Variants in MINDY3 observed in about 807,000 individuals in gnomAD.
MINDY3 encodes the protein ubiquitin carboxyl-terminal hydrolase MINDY-3.
MINDY3 carries 38 observed loss-of-function variants against 69.2 expected under a neutral mutation model. The ratio of observed to expected loss-of-function variants is 0.55; its 90% CI spans 0.42 to 0.72. The LOEUF is 0.72. Among genes scored for constraint, MINDY3 ranks in the 30% least tolerant of loss-of-function variants. MINDY3 has a pLI of 0.00. For synonymous variants in MINDY3, 192 were observed against 180.1 expected (o/e 1.07, Z -0.53); for missense variants, 522 against 519.0 (o/e 1.01, Z -0.06).
chr10:15,782,962 G>C (rs2131823363), intron 13 of MINDY3, among the ~76,000 whole-genome samples: 1 of 152,290 alleles, frequency 6.6e-6, no homozygotes. Context: ...GGCTCCCAGT[G>C]ATTTCCCTCA....
intron 2 of MINDY3, among the ~76,000 whole-genome samples, chr10:15,844,499 C>T (rs886766854): frequency 2.6e-5 from 4 of 152,058 alleles, no homozygotes; most frequent in African/African-American, 4.8e-5. Flanking sequence ...CTACAGAATT[C>T]GTAAGCATAA....
intron 10 of MINDY3, among the ~76,000 whole-genome samples, chr10:15,803,846 A>T (rs934088982): frequency 6.6e-6 from 1 of 151,986 alleles, no homozygotes; most frequent in Non-Finnish European, 1.5e-5. Flanking sequence ...CACACAAAAA[A>T]CCCCACGAAT....
In MINDY3 at chr10:15,778,998, T is replaced by C; in HGVS notation, c.1332A>G (p.Leu444=). The C allele has an allele frequency of 6.2e-7, 1 of 1,612,422 alleles. No homozygotes were observed. Among genetic ancestry groups the C allele is most frequent in the East Asian group, 2.2e-5 (1 of 44,806 alleles). ...LLWTTDRSPS[L]N ...TTATAAATACTTAGACAAATTAATT[T>C]AGTGAAGGAGAGCGATCTGTGGTCC... The change falls in exon 15 of 15, where the codon CTA becomes CTG. Residue 444 remains leucine, a synonymous_variant. Coordinates refer to ENST00000277632, the MANE Select transcript of MINDY3 (RefSeq NM_024948.4).
At chr10:15,783,911 A>G (rs1836747636) in intron 13 of MINDY3, among the ~76,000 whole-genome samples, 1 of 152,218 alleles carries the variant, frequency 6.6e-6, no homozygotes, top group Non-Finnish European at 1.5e-5. Flanking sequence ...CTGGCATAAA[A>G]TACAGAAATA....
At chr10:15,849,911 C>T (rs1334016870) in intron 1 of MINDY3, among the ~76,000 whole-genome samples, 1 of 152,198 alleles carries the variant, frequency 6.6e-6, no homozygotes, top group East Asian at 1.9e-4. Flanking sequence ...TTTCTTACCA[C>T]ACAATTTACT....
chr10:15,856,732 A>G (rs1303099756), intron 1 of MINDY3, among the ~76,000 whole-genome samples: 1 of 152,178 alleles, frequency 6.6e-6, no homozygotes, highest in Non-Finnish European at 1.5e-5. Context: ...AGCAATCAAT[A>G]TTGAAAAGAA....
intron 6 of MINDY3, among the ~76,000 whole-genome samples, chr10:15,835,238 A>C (rs1832996990): frequency 6.6e-6 from 1 of 152,112 alleles, no homozygotes; most frequent in Non-Finnish European, 1.5e-5. Context: ...CTCAACTCCC[A>C]AAAGTTCTAC....
At chr10:15,816,260 C>CAAAAAAAAAAAAAAAAAAAAAAAA (rs1164005904) in intron 10 of MINDY3, among the ~76,000 whole-genome samples, 1 of 26,824 alleles carries the variant, frequency 3.7e-5, no homozygotes. Context: ...GACTCCATCT[C>CAAAAAAAAAAAAAAAAAAAAAAAA]AAAAAAAAAA....
At chr10:15,858,382 G>A (rs1369685041) in intron 1 of MINDY3, among the ~76,000 whole-genome samples, 2 of 152,162 alleles carry the variant, frequency 1.3e-5, no homozygotes, top group Non-Finnish European at 2.9e-5. Context: ...ATAATGATTA[G>A]CCATCAAATA....
intron 9 of MINDY3, among the ~76,000 whole-genome samples, chr10:15,821,166 G>A (rs115190644): frequency 0.015 from 2,341 of 152,234 alleles, 49 homozygotes; most frequent in African/African-American, 0.05. Context: ...GTGTCAAAGA[G>A]TTTAATGTTG....
chr10:15,808,415 C>T (rs960667707), intron 10 of MINDY3, among the ~76,000 whole-genome samples: 5 of 152,130 alleles, frequency 3.3e-5, no homozygotes, highest in Non-Finnish European at 7.4e-5. Context: ...TTCCTTAACA[C>T]CGTTTTATTA....
At chr10:15,850,512 G>A (rs939991815) in intron 1 of MINDY3, among the ~76,000 whole-genome samples, 11 of 152,254 alleles carry the variant, frequency 7.2e-5, no homozygotes, top group South Asian at 2.1e-4. Flanking sequence ...TAAAATGGCC[G>A]CTCGGGGAGT....
At chr10:15,841,625 T>G in intron 3 of MINDY3, 26 bp from the exon 4 acceptor site, 1 of 1,525,274 alleles carries the variant, frequency 6.6e-7, no homozygotes, top group Non-Finnish European at 8.9e-7. Context: ...GCATAAGTTA[T>G]AATGGTTTCC....
At chr10:15,807,819 T>C (rs1390003374) in intron 10 of MINDY3, among the ~76,000 whole-genome samples, 1 of 152,056 alleles carries the variant, frequency 6.6e-6, no homozygotes, top group Non-Finnish European at 1.5e-5. Context: ...TTCAGGGAAA[T>C]CACAAAAACC....
At chr10:15,782,035 G>C in intron 14 of MINDY3, 120 bp downstream of exon 14, 1 of 759,604 alleles carries the variant, frequency 1.3e-6, no homozygotes. Context: ...TGTCCTCATA[G>C]TAAAGAGACT....
At chr10:15,828,186 A>G (rs1840217377) in intron 8 of MINDY3, among the ~76,000 whole-genome samples, 1 of 152,234 alleles carries the variant, frequency 6.6e-6, no homozygotes, top group South Asian at 2.1e-4. Context: ...AACACTCCAC[A>G]TGTTGGCGAA....
intron 10 of MINDY3, among the ~76,000 whole-genome samples, chr10:15,816,408 T>C (rs1048953661): frequency 6.6e-6 from 1 of 152,074 alleles, no homozygotes; most frequent in Non-Finnish European, 1.5e-5. Flanking sequence ...CATTTGACTT[T>C]AATACCATTG....
rs368692604 is a variant in MINDY3 at position 15,789,266 on chromosome 10, G to A, written c.1009C>T (p.Leu337Phe). The A allele has an allele frequency of 6.2e-7, 1 of 1,610,882 alleles. No individual in the cohort carries two copies. Among genetic ancestry groups the A allele is most frequent in the African/African-American group, 1.3e-5 (1 of 74,740 alleles). The change falls in exon 12 of 15, where the codon CTT becomes TTT. Residue 337 changes from leucine to phenylalanine, a missense_variant. Leu to Phe is a conservative substitution (Grantham distance 22). Coordinates refer to ENST00000277632, the MANE Select transcript of MINDY3 (RefSeq NM_024948.4). The stretch of plus-strand genomic sequence containing the variant: ...GCTTACTATTCAGGATCTGAAACAA[G>A]GTCCAATGCTTTCATCACATCTTCC... Reference protein sequence around the residue: ...LLEDVMKALDLVSDPEYINLM... With the variant: ...LLEDVMKALDFVSDPEYINLM...
chr10:15,849,625 G>A lies in MINDY3; in HGVS notation c.95-1682C>T, dbSNP rs1834131764. ...ATTTATTTACTATGTGTTAAGTGGG[G>A]CAAAGGCTTGGTACAAAAGAAATTA... On this transcript the variant is annotated intron_variant, in intron 1 of 14. Coordinates refer to ENST00000277632, the MANE Select transcript of MINDY3 (RefSeq NM_024948.4). Among the ~76,000 whole-genome samples the A allele has an allele frequency of 2.6e-5, 4 of 152,184 alleles. No individual in the cohort carries two copies. The South Asian group carries it at 6.2e-4, about 24-fold the overall frequency.
Sources: gnomAD v4.1 joint callset for allele counts (sites outside exome capture counted in the v4.1 genomes callset) on GRCh38, gnomAD v4.1.1 for gene constraint, MANE v1.5 for transcripts, NCBI Gene and HGNC (gene_info 2026-07-23, HGNC 2026-07-21) for gene names.